The following NFIB variants were observed in gnomAD, a reference collection of about 807,000 sequenced individuals.
NFIB encodes the protein nuclear factor 1 B-type.
In NFIB, 11 loss-of-function variants were observed where a neutral mutation model predicts 61.5. That is an observed-to-expected ratio of 0.18 (90% CI 0.11 to 0.30). The LOEUF (loss-of-function observed/expected upper bound fraction) is 0.30. Ranked by LOEUF, NFIB falls within the 10% of genes least tolerant of loss-of-function variation. NFIB has a pLI of 1.00. For synonymous variants in NFIB, 260 were observed against 216.5 expected, an observed-to-expected ratio of 1.20 and a Z score of -1.76; for missense variants, 471 against 608.9, an observed-to-expected ratio of 0.77 and a Z score of 2.38.
intron 1 of NFIB, among the ~76,000 whole-genome samples, chr9:14,323,182 T>C (rs536996429): frequency 6.6e-6 from 1 of 152,124 alleles, no homozygotes; most frequent in Non-Finnish European, 1.5e-5. Flanking sequence ...CTTATATTGA[T>C]AGGTAGTCAC....
chr9:14,218,399 A>G (rs907673454), intron 2 of NFIB, among the ~76,000 whole-genome samples: 3 of 152,184 alleles, frequency 2.0e-5, no homozygotes, highest in African/African-American at 7.2e-5. Flanking sequence ...AATAAAACCC[A>G]GATTCCACCC....
At chr9:14,338,372 T>C (rs57841065) in intron 1 of NFIB, among the ~76,000 whole-genome samples, 11,109 of 150,514 alleles carry the variant, frequency 0.074, 1,359 homozygotes, top group African/African-American at 0.26. Context: ...CCAGCCTGGG[T>C]GACAGAGCGA....
chr9:14,231,667 C>T (rs976318076), intron 2 of NFIB, among the ~76,000 whole-genome samples: 4 of 152,138 alleles, frequency 2.6e-5, no homozygotes, highest in Non-Finnish European at 5.9e-5. Flanking sequence ...AGGTTTAAAA[C>T]AGGTTTTAAC....
intron 3 of NFIB, among the ~76,000 whole-genome samples, chr9:14,157,180 T>C (rs946011785): frequency 4.6e-5 from 7 of 152,124 alleles, no homozygotes; most frequent in African/African-American, 1.7e-4. Context: ...CAAATTAAGA[T>C]CTTAGGGCCA....
the NFIB span, among the ~76,000 whole-genome samples, chr9:14,525,787 ACT>A: frequency 6.6e-6 from 1 of 151,950 alleles, no homozygotes; most frequent in Non-Finnish European, 1.5e-5. Context: ...ATTTTTAAAA[ACT>A]CAACATGATT....
the NFIB span, among the ~76,000 whole-genome samples, chr9:14,519,540 C>A: frequency 6.6e-6 from 1 of 151,972 alleles, no homozygotes; most frequent in Non-Finnish European, 1.5e-5. Context: ...GGTTGGGAGG[C>A]AGGGGTTGTT....
the NFIB span, among the ~76,000 whole-genome samples, chr9:14,423,909 T>A: frequency 6.6e-6 from 1 of 152,154 alleles, no homozygotes; most frequent in Non-Finnish European, 1.5e-5. Flanking sequence ...CCATGACCCA[T>A]CATCCATTTC....
At chr9:14,379,796 C>T (rs2061463497) in intron 1 of NFIB, among the ~76,000 whole-genome samples, 1 of 152,112 alleles carries the variant, frequency 6.6e-6, no homozygotes, top group African/African-American at 2.4e-5. Context: ...AATTCTCCTA[C>T]CTCAGCCTCC....
chr9:14,346,298 C>CCCT (rs1554715707), intron 1 of NFIB, among the ~76,000 whole-genome samples: 1 of 144,330 alleles, frequency 6.9e-6, no homozygotes, highest in African/African-American at 2.5e-5. Flanking sequence ...ACACCCCCCC[C>CCCT]CCGTAACCTG....
At chr9:14,320,156 T>A (rs1199556736) in intron 1 of NFIB, among the ~76,000 whole-genome samples, 1 of 152,182 alleles carries the variant, frequency 6.6e-6, no homozygotes, top group East Asian at 1.9e-4. Flanking sequence ...GAATAAAAAT[T>A]TATTTTGGAC....
At chr9:14,273,447 G>T (rs1321675042) in intron 2 of NFIB, among the ~76,000 whole-genome samples, 1 of 152,002 alleles carries the variant, frequency 6.6e-6, no homozygotes, top group Non-Finnish European at 1.5e-5. Flanking sequence ...ACCATGATAG[G>T]TTACAGTTAT....
chr9:14,106,498 G>A (rs2036577858), intron 10 of NFIB, among the ~76,000 whole-genome samples: 1 of 152,092 alleles, frequency 6.6e-6, no homozygotes, highest in Admixed American at 6.6e-5. Context: ...CACTGCATAT[G>A]TTCTTAGGGT....
At chr9:14,465,074 T>G in the NFIB span, among the ~76,000 whole-genome samples, 2 of 152,188 alleles carry the variant, frequency 1.3e-5, no homozygotes, top group Non-Finnish European at 2.9e-5. Context: ...AACCAAATAA[T>G]CTGTCATAAA....
At chr9:14,246,935 C>G (rs1410245915) in intron 2 of NFIB, among the ~76,000 whole-genome samples, 1 of 152,138 alleles carries the variant, frequency 6.6e-6, no homozygotes, top group South Asian at 2.1e-4. Context: ...GGTTTAGTAT[C>G]CCTACAAAGA....
At chr9:14,281,509 A>T (rs1265291152) in intron 2 of NFIB, among the ~76,000 whole-genome samples, 3 of 152,242 alleles carry the variant, frequency 2.0e-5, no homozygotes, top group Non-Finnish European at 2.9e-5. Flanking sequence ...ACTTTACCCT[A>T]TAATTCCTAC....
chr9:14,154,839 G>A (rs2043220017), intron 4 of NFIB, among the ~76,000 whole-genome samples: 1 of 152,168 alleles, frequency 6.6e-6, no homozygotes, highest in Non-Finnish European at 1.5e-5. Context: ...ATAGCGTGAA[G>A]ATTCCTTTAC....
chr9:14,231,136 ATATATATAT>A (rs768724531), intron 2 of NFIB, among the ~76,000 whole-genome samples: 70 of 20,870 alleles, frequency 3.4e-3, no homozygotes, highest in African/African-American at 8.2e-3. Context: ...AAAAAAAAAA[ATATATATAT>A]ATATATATAT....
At chr9:14,215,538 A>G (rs931284501) in intron 2 of NFIB, among the ~76,000 whole-genome samples, 2 of 152,242 alleles carry the variant, frequency 1.3e-5, no homozygotes, top group Non-Finnish European at 2.9e-5. Flanking sequence ...ATTCTATTGC[A>G]AAGAAAGTTG....
At chr9:14,256,931 T>C (rs928188873) in intron 2 of NFIB, among the ~76,000 whole-genome samples, 24 of 152,226 alleles carry the variant, frequency 1.6e-4, no homozygotes, top group African/African-American at 5.8e-4. Context: ...CCAGTTCTGA[T>C]GAGATTATGA....
Sources: allele counts gnomAD v4.1 joint callset (sites outside exome capture counted in the v4.1 genomes callset), GRCh38; gene constraint gnomAD v4.1.1; transcripts MANE v1.5; gene names NCBI Gene and HGNC (gene_info 2026-07-23, HGNC 2026-07-21).